ZHX3: variants seen among roughly 807,000 people sequenced by gnomAD.
ZHX3 encodes zinc fingers and homeoboxes 3, also known as zinc fingers and homeoboxes protein 3.
Under a neutral mutation model 64.5 loss-of-function variants are expected in ZHX3, and 20 were observed. The observed-to-expected ratio is 0.31, with a 90% CI of 0.22 to 0.45. ZHX3 has a LOEUF of 0.45. Ranked by LOEUF, ZHX3 falls within the 20% of genes least tolerant of loss-of-function variation. ZHX3 has a pLI of 1.00. For synonymous variants in ZHX3, 423 were observed against 461.6 expected (o/e 0.92, Z 1.07); for missense variants, 1,041 against 1,195.8 (o/e 0.87, Z 1.91).
intron 1 of ZHX3, among the ~76,000 whole-genome samples, chr20:41,272,622 CA>C (rs1158759300): frequency 6.6e-6 from 1 of 152,178 alleles, no homozygotes; most frequent in Non-Finnish European, 1.5e-5. Flanking sequence ...AAAATGCAAT[CA>C]AACAATATGT....
intron 3 of ZHX3, among the ~76,000 whole-genome samples, chr20:41,196,432 A>AT (rs1261397630): frequency 2.3e-5 from 1 of 43,344 alleles, no homozygotes; most frequent in African/African-American, 1.0e-4. Context: ...ATATTTATAT[A>AT]AATATATATA....
chr20:41,201,039 C>T lies in ZHX3; in HGVS notation c.2860+1018G>A, dbSNP rs568371878. Among the ~76,000 whole-genome samples, 1 of 152,286 alleles carries T rather than the reference C, an allele frequency of 6.6e-6. No homozygotes were observed. The highest frequency in any genetic ancestry group is 2.1e-4 in the South Asian group (1 of 4,824). On this transcript the variant is annotated intron_variant, in intron 3 of 3. Transcript: ENST00000683867. This position sits in a 1 kb window ranked among gnomAD's most constrained non-coding sequence, Gnocchi z 5.0. ...TTGTATGGAAACAATGCAACACCATCCAGGAAATTCTGTGGGATTTCTGAG... is the reference window on the plus strand; with the variant it reads ...TTGTATGGAAACAATGCAACACCATTCAGGAAATTCTGTGGGATTTCTGAG...
chr20:41,252,283 G>A (rs960844708), intron 2 of ZHX3, among the ~76,000 whole-genome samples: 25 of 152,290 alleles, frequency 1.6e-4, no homozygotes, highest in African/African-American at 6.0e-4. Context: ...GAGGGATAGG[G>A]GACAGGGGCT....
At chr20:41,236,466 A>G (rs6016533) in intron 2 of ZHX3, among the ~76,000 whole-genome samples, 7 of 152,316 alleles carry the variant, frequency 4.6e-5, no homozygotes, top group African/African-American at 1.7e-4. Context: ...AAATAATGCC[A>G]CATATCTACA....
chr20:41,206,743 G>A (rs991293681), intron 2 of ZHX3, among the ~76,000 whole-genome samples: 2 of 152,194 alleles, frequency 1.3e-5, no homozygotes, highest in African/African-American at 4.8e-5. Context: ...TTATCCAGGA[G>A]AACTTCCCCA....
chr20:41,311,460 G>A (rs1275979462), intron 1 of ZHX3, among the ~76,000 whole-genome samples: 5 of 152,224 alleles, frequency 3.3e-5, no homozygotes, highest in African/African-American at 1.2e-4. Flanking sequence ...CTTTGGCATA[G>A]TGGTTATTAA....
chr20:41,239,425 G>T (rs2041237818), intron 2 of ZHX3, among the ~76,000 whole-genome samples: 1 of 152,194 alleles, frequency 6.6e-6, no homozygotes, highest in South Asian at 2.1e-4. Flanking sequence ...CATCCAGAAG[G>T]ACACAGAGAG....
chr20:41,260,648 C>T (rs1434457240), intron 2 of ZHX3, among the ~76,000 whole-genome samples: 3 of 152,200 alleles, frequency 2.0e-5, no homozygotes, highest in Non-Finnish European at 4.4e-5. Flanking sequence ...GGTTATCTCT[C>T]GCACCATTTT....
chr20:41,200,444 C>T lies in ZHX3; in HGVS notation c.2860+1613G>A. Among the ~76,000 whole-genome samples, 1 of 152,326 alleles carries T rather than the reference C, an allele frequency of 6.6e-6. No homozygotes were observed. The highest frequency in any genetic ancestry group is 2.4e-5 in the African/African-American group (1 of 41,568). ...GACAAAGACTTGTAGGAGAGACTAC[C>T]TGCTCTGCATTATAAAAAAGTTAAA... On this transcript the variant is annotated intron_variant, in intron 3 of 3. Coordinates refer to ENST00000683867, the MANE Select transcript of ZHX3 (RefSeq NM_001384317.1). The surrounding 1 kb of genome is among the most constrained non-coding windows in gnomAD (Gnocchi z 4.2).
chr20:41,192,150 C>T (rs948742987), intron 3 of ZHX3, among the ~76,000 whole-genome samples: 6 of 152,146 alleles, frequency 3.9e-5, no homozygotes, highest in African/African-American at 1.4e-4. Flanking sequence ...ACAGGCTGGG[C>T]GGCCCATTCT....
chr20:41,276,858 T>C (rs1003218513), intron 1 of ZHX3, among the ~76,000 whole-genome samples: 1 of 152,206 alleles, frequency 6.6e-6, no homozygotes, highest in Non-Finnish European at 1.5e-5. Flanking sequence ...ACATCCTACA[T>C]ACCTGTCAGC....
At chr20:41,260,413 C>T (rs1315269026) in intron 2 of ZHX3, among the ~76,000 whole-genome samples, 1 of 152,198 alleles carries the variant, frequency 6.6e-6, no homozygotes, top group African/African-American at 2.4e-5. Context: ...TTTTAAGAGA[C>T]ATCACTTGAA....
rs1568819242 is a variant in ZHX3, at chr20:41,204,117, C to A, written c.800G>T (p.Gly267Val). 1 of 1,605,146 alleles carries A rather than the reference C, an allele frequency of 6.2e-7. No homozygotes were observed. Among genetic ancestry groups the A allele is most frequent in the Non-Finnish European group, 8.5e-7 (1 of 1,175,404 alleles). ...LIGTVPVLPA[G>V]IAQFLSLQQQ... ...CTGGAGGGAGAGGAACTGTGCTATGCCAGCTGGCAAAACTGGCACTGTTCC... is the reference window on the plus strand; with the variant it reads ...CTGGAGGGAGAGGAACTGTGCTATGACAGCTGGCAAAACTGGCACTGTTCC... The change falls in exon 3 of 4, where the codon GGC (glycine) becomes GTC (valine). Residue 267 changes from glycine (G) to valine (V), a missense_variant. Around this residue, in one of 4 missense-constraint regions of ZHX3, gnomAD observed 358 missense variants for 369.1 expected, o/e 0.97. Transcript: ENST00000683867. This position sits in a 1 kb window ranked among gnomAD's most constrained non-coding sequence, Gnocchi z 6.6.
intron 2 of ZHX3, among the ~76,000 whole-genome samples, chr20:41,227,411 A>C (rs1176754120): frequency 6.6e-6 from 1 of 152,078 alleles, no homozygotes; most frequent in Admixed American, 6.5e-5. Flanking sequence ...GCAAAATATA[A>C]AACTCCAACA....
At chr20:41,198,412 T>C (rs2037942949) in intron 3 of ZHX3, among the ~76,000 whole-genome samples, 1 of 152,164 alleles carries the variant, frequency 6.6e-6, no homozygotes, top group South Asian at 2.1e-4. Context: ...TCAATTTTAT[T>C]TGGAAATGTC....
At chr20:41,194,945 C>T (rs549008327) in intron 3 of ZHX3, among the ~76,000 whole-genome samples, 4 of 152,174 alleles carry the variant, frequency 2.6e-5, no homozygotes, top group Admixed American at 2.0e-4. Context: ...TAAGTCTTCT[C>T]TTTCATTCTT....
intron 2 of ZHX3, among the ~76,000 whole-genome samples, chr20:41,261,605 A>G (rs2042565210): frequency 6.6e-6 from 1 of 152,226 alleles, no homozygotes; most frequent in South Asian, 2.1e-4. Context: ...TGTGAAGACT[A>G]AGCCAGCCAT....
chr20:41,206,041 G>A (rs1311597503), intron 2 of ZHX3, among the ~76,000 whole-genome samples: 1 of 152,204 alleles, frequency 6.6e-6, no homozygotes, highest in African/African-American at 2.4e-5. Context: ...ACAGGGTCTG[G>A]AGTGGACCTC....
chr20:41,187,067 A>G (rs1228206263), intron 3 of ZHX3, among the ~76,000 whole-genome samples: 1 of 152,078 alleles, frequency 6.6e-6, no homozygotes, highest in African/African-American at 2.4e-5. Flanking sequence ...TTGCACCTGT[A>G]ATCTCAGCAC....
Sources: gnomAD v4.1 joint callset for allele counts (sites outside exome capture counted in the v4.1 genomes callset) on GRCh38, gnomAD v4.1.1 for gene constraint, gnomAD v4.1.1 regional missense constraint, Gnocchi (gnomAD v3.1) non-coding constraint, MANE v1.5 for transcripts, NCBI Gene and HGNC (gene_info 2026-07-23, HGNC 2026-07-21) for gene names.